The following ERG variants were observed in gnomAD, a reference collection of about 807,000 sequenced individuals.
The protein encoded by ERG is transcriptional regulator ERG.
Under a neutral mutation model 55.3 loss-of-function variants are expected in ERG, and 9 were observed. That is an observed-to-expected ratio of 0.16 (90% CI 0.10 to 0.28). ERG has a LOEUF of 0.28. Ranked by LOEUF, ERG falls within the 10% of genes least tolerant of loss-of-function variation. The pLI is 1.00. For missense variants in ERG, 434 were observed against 631.6 expected (o/e 0.69, Z 3.35); for synonymous variants, 223 against 237.3 (o/e 0.94, Z 0.55).
At chr21:38,597,714 A>G (rs2060140767) in intron 1 of ERG, among the ~76,000 whole-genome samples, 1 of 152,180 alleles carries the variant, frequency 6.6e-6, no homozygotes, top group Admixed American at 6.5e-5. Context: ...TACTCCCAGC[A>G]TCTGAGGGAA....
intron 1 of ERG, among the ~76,000 whole-genome samples, chr21:38,449,358 A>C (rs2058920463): frequency 6.6e-6 from 1 of 152,212 alleles, no homozygotes; most frequent in Non-Finnish European, 1.5e-5. Flanking sequence ...ACATAATTCT[A>C]AGCAAATTAC....
downstream of ERG, among the ~76,000 whole-genome samples, chr21:38,379,713 A>G (rs938657156): frequency 2.6e-5 from 4 of 152,190 alleles, no homozygotes; most frequent in African/African-American, 9.7e-5. Flanking sequence ...TTGTTTCTAT[A>G]TAGCATTAAT....
intron 2 of ERG, among the ~76,000 whole-genome samples, chr21:38,509,516 C>T (rs1311977595): frequency 6.6e-6 from 1 of 152,104 alleles, no homozygotes; most frequent in African/African-American, 2.4e-5. Context: ...CACCCTTTTT[C>T]TTTCTAGGCT....
rs79959278 is a variant in ERG at position 38,611,455 on chromosome 21, C to T, written c.-149-26510G>A. Among the ~76,000 whole-genome samples, 1,023 of 152,178 alleles carry T rather than the reference C, an allele frequency of 6.7e-3. 8 individuals carry two copies. Among genetic ancestry groups the T allele is most frequent in the African/African-American group, 0.023 (947 of 41,504 alleles). ...CTCATCTCCACTCCTCCCCTCTCTC[C>T]ATCTGGCCGCCCTGACCTCCCTGCT... On this transcript the variant is annotated intron_variant, in intron 1 of 10. Coordinates refer to the ERG transcript ENST00000398910.
chr21:38,429,297 T>A (rs556747653), intron 2 of ERG, among the ~76,000 whole-genome samples: 1 of 150,904 alleles, frequency 6.6e-6, no homozygotes, highest in South Asian at 2.1e-4. Flanking sequence ...CCCACACATA[T>A]ACATATGTAT....
intron 1 of ERG, among the ~76,000 whole-genome samples, chr21:38,605,583 A>G (rs1601304793): frequency 6.6e-6 from 1 of 152,322 alleles, no homozygotes; most frequent in South Asian, 2.1e-4. Flanking sequence ...GTGCTAGCTG[A>G]ATCCACAGGA....
At chr21:38,653,425 C>T (rs2060500044) in intron 1 of ERG, among the ~76,000 whole-genome samples, 1 of 152,194 alleles carries the variant, frequency 6.6e-6, no homozygotes, top group Admixed American at 6.5e-5. Context: ...CCGCTGATCT[C>T]TGCCTACTCA....
At chr21:38,518,630 TG>T (rs1281009741) in intron 2 of ERG, among the ~76,000 whole-genome samples, 1 of 152,080 alleles carries the variant, frequency 6.6e-6, no homozygotes, top group Non-Finnish European at 1.5e-5. Context: ...CAAAAATTGA[TG>T]TCAGATAAAC....
chr21:38,584,276 G>A (rs544221681), intron 1 of ERG, among the ~76,000 whole-genome samples: 2 of 152,314 alleles, frequency 1.3e-5, no homozygotes, highest in South Asian at 2.1e-4. Context: ...GGCCTCATGG[G>A]CATGCCTTAG....
chr21:38,572,134 A>G (rs2059961603), intron 2 of ERG, among the ~76,000 whole-genome samples: 1 of 151,500 alleles, frequency 6.6e-6, no homozygotes, highest in Admixed American at 6.6e-5. Context: ...AGGCAGGTGG[A>G]TCACGAGGTC....
Position 38,382,248 on chromosome 21 carries a change from T to A in ERG, c.*1155A>T. The stretch of plus-strand genomic sequence containing the variant: ...ATTATATAAAAAGGGGGAAAAACAT[T>A]GACTTGTATACTTCATTCTGACAAA... On this transcript the variant is annotated 3_prime_UTR_variant, in exon 10 of 10. Coordinates refer to ENST00000288319, the MANE Select transcript of ERG (RefSeq NM_182918.4). The A allele has an allele frequency of 9.5e-7, 1 of 1,050,474 alleles. No individual in the cohort carries two copies. The highest frequency in any genetic ancestry group is 1.2e-6 in the Non-Finnish European group (1 of 869,524). The allele number at this position is 1,050,474 out of a possible 1,614,324, so 65.1% of individuals were successfully genotyped here. A position where few individuals can be genotyped will look rare whatever the true frequency, so the allele number is the denominator to read the frequency against.
At chr21:38,587,472 C>T (rs1034392545), upstream of ERG, among the ~76,000 whole-genome samples, 8 of 152,132 alleles carry the variant, frequency 5.3e-5, no homozygotes, top group Non-Finnish European at 1.5e-5. Flanking sequence ...CATTCTCCTG[C>T]CTCAGCCTCC....
intron 1 of ERG, among the ~76,000 whole-genome samples, chr21:38,616,652 G>C (rs910864779): frequency 6.6e-6 from 1 of 151,990 alleles, no homozygotes; most frequent in Non-Finnish European, 1.5e-5. Context: ...GATTGGATTG[G>C]ACAAGGATGC....
intron 1 of ERG, among the ~76,000 whole-genome samples, chr21:38,469,006 AAAAAAAAAG>A: frequency 8.1e-6 from 1 of 123,186 alleles, no homozygotes; most frequent in Non-Finnish European, 1.9e-5. Context: ...AAAAAAGAAA[AAAAAAAAAG>A]AAAATGTGGC....
At chr21:38,406,251 C>T (rs917365074) in intron 3 of ERG, among the ~76,000 whole-genome samples, 42 of 151,062 alleles carry the variant, frequency 2.8e-4, no homozygotes, top group African/African-American at 9.0e-4. Context: ...AAAACTCCAA[C>T]GGCAGTGATG....
At position 38,423,652 on chromosome 21, in the gene ERG, G is replaced by C. The variant is rs936848182; in HGVS notation, c.237-91C>G. On this transcript the variant is annotated intron_variant, in intron 2 of 9. Transcript: ENST00000288319. ...ACAATACACAGAGAGAACCAAAGAA[G>C]GGCAAGGCGGAAGAGACTGGGGGAG... 44 of 1,359,976 alleles carry C rather than the reference G, an allele frequency of 3.2e-5. No individual in the cohort carries two copies. In the Admixed American group the frequency reaches 9.0e-4, roughly 28 times the overall value. 84.2% of individuals were successfully genotyped at this position (1,359,976 alleles called of 1,614,324 possible). A position where few individuals can be genotyped will look rare whatever the true frequency, so the allele number is the denominator to read the frequency against.
At chr21:38,537,884 G>T (rs539710798) in intron 2 of ERG, among the ~76,000 whole-genome samples, 84 of 152,258 alleles carry the variant, frequency 5.5e-4, no homozygotes, top group Non-Finnish European at 1.1e-3. Context: ...ATAACCAAAA[G>T]GTGGAGGCAA....
intron 1 of ERG, among the ~76,000 whole-genome samples, chr21:38,633,753 T>A (rs950393446): frequency 2.0e-5 from 3 of 152,222 alleles, no homozygotes; most frequent in African/African-American, 7.2e-5. Flanking sequence ...GAGAAAACCA[T>A]CATCTGCATC....
At chr21:38,606,954 C>A (rs1038811313) in intron 1 of ERG, among the ~76,000 whole-genome samples, 1 of 151,530 alleles carries the variant, frequency 6.6e-6, no homozygotes, top group Non-Finnish European at 1.5e-5. Context: ...AAAAAGGAGT[C>A]CTGAGCAAAA....
Sources: gnomAD v4.1 joint callset for allele counts (sites outside exome capture counted in the v4.1 genomes callset) on GRCh38, gnomAD v4.1.1 for gene constraint, MANE v1.5 for transcripts, NCBI Gene and HGNC (gene_info 2026-07-23, HGNC 2026-07-21) for gene names.